Variants in GSE1 observed in about 807,000 individuals in gnomAD.
GSE1 encodes Gse1 coiled-coil protein.
Under a neutral mutation model 112.6 loss-of-function variants are expected in GSE1, and 32 were observed. The ratio of observed to expected loss-of-function variants is 0.28; its 90% CI spans 0.21 to 0.38. The LOEUF is 0.38. Ranked by LOEUF, GSE1 falls within the 10% of genes least tolerant of loss-of-function variation. The pLI is 1.00. For synonymous variants in GSE1, 1,115 were observed against 735.6 expected, an observed-to-expected ratio of 1.52 and a Z score of -8.35; for missense variants, 2,348 against 1,699.2, an observed-to-expected ratio of 1.38 and a Z score of -6.71.
chr16:85,300,830 G>A (rs1248019417), intron 1 of GSE1, among the ~76,000 whole-genome samples: 3 of 152,192 alleles, frequency 2.0e-5, no homozygotes, highest in Admixed American at 6.5e-5. Context: ...CCCACCTGGC[G>A]TGTGGCTGAA....
intron 1 of GSE1, among the ~76,000 whole-genome samples, 190 bp downstream of exon 1, chr16:85,613,588 G>T (rs1170854368): frequency 6.6e-6 from 1 of 152,000 alleles, no homozygotes; most frequent in Non-Finnish European, 1.5e-5. Flanking sequence ...CTCCGCCCGC[G>T]GGTCGCAGCC....
chr16:85,663,147 C>A, intron 10 of GSE1, 54 bp downstream of exon 10: 1 of 1,322,848 alleles, frequency 7.6e-7, no homozygotes, highest in Non-Finnish European at 1.1e-6. Flanking sequence ...TCGTTCCTAG[C>A]GTCCACACCC....
intron 11 of GSE1, 86 bp from the exon 12 acceptor site, chr16:85,664,929 C>T: frequency 2.2e-6 from 2 of 908,476 alleles, no homozygotes; most frequent in South Asian, 1.4e-5. Flanking sequence ...TTTGCCTGCC[C>T]CTCAAGGCTC....
At chr16:85,313,841 T>C (rs866349366) in intron 1 of GSE1, among the ~76,000 whole-genome samples, 1 of 152,094 alleles carries the variant, frequency 6.6e-6, no homozygotes, top group Non-Finnish European at 1.5e-5. Context: ...ACTGGGGAGT[T>C]GGGAGGCCGG....
intron 1 of GSE1, among the ~76,000 whole-genome samples, chr16:85,211,744 G>A (rs928115550): frequency 3.3e-5 from 5 of 152,318 alleles, no homozygotes; most frequent in Non-Finnish European, 5.9e-5. Flanking sequence ...CTGGGCACCC[G>A]CGAGAGAGGT....
At chr16:85,397,639 C>T (rs544394351) in intron 2 of GSE1, among the ~76,000 whole-genome samples, 5 of 152,328 alleles carry the variant, frequency 3.3e-5, no homozygotes, top group East Asian at 3.9e-4. Flanking sequence ...GGGGCCTCCC[C>T]GGAGCACCAG....
intron 2 of GSE1, among the ~76,000 whole-genome samples, chr16:85,440,517 C>T (rs1268247493): frequency 3.9e-5 from 6 of 152,206 alleles, no homozygotes; most frequent in African/African-American, 1.2e-4. Flanking sequence ...GTCTTTCTCA[C>T]ACCCACCCCA....
At chr16:85,475,638 C>T (rs975496973) in intron 2 of GSE1, among the ~76,000 whole-genome samples, 2 of 152,208 alleles carry the variant, frequency 1.3e-5, no homozygotes, top group African/African-American at 2.4e-5. Context: ...AATCTAGTGA[C>T]AGGGCCTCTG....
At chr16:85,363,949 A>C (rs1315836178) in intron 2 of GSE1, among the ~76,000 whole-genome samples, 1 of 152,198 alleles carries the variant, frequency 6.6e-6, no homozygotes, top group Non-Finnish European at 1.5e-5. Context: ...CTTACTTAAG[A>C]AGAGGTCTGT....
chr16:85,354,489 C>T (rs1192837498), intron 1 of GSE1, among the ~76,000 whole-genome samples: 3 of 152,238 alleles, frequency 2.0e-5, no homozygotes, highest in Non-Finnish European at 2.9e-5. Context: ...TCACCACAGC[C>T]GTGTTTGCTG....
At chr16:85,287,294 C>T (rs575568528) in intron 1 of GSE1, among the ~76,000 whole-genome samples, 76 of 152,194 alleles carry the variant, frequency 5.0e-4, no homozygotes, top group African/African-American at 9.7e-4. Flanking sequence ...CGCATGGGGC[C>T]GGAGCAAGCT....
At chr16:85,304,143 C>G (rs2045601012) in intron 1 of GSE1, among the ~76,000 whole-genome samples, 1 of 152,250 alleles carries the variant, frequency 6.6e-6, no homozygotes, top group African/African-American at 2.4e-5. Context: ...CCTTTCTGCA[C>G]CGCATCCCAT....
At chr16:85,440,035 C>T (rs2049340189) in intron 2 of GSE1, among the ~76,000 whole-genome samples, 1 of 152,262 alleles carries the variant, frequency 6.6e-6, no homozygotes, top group African/African-American at 2.4e-5. Flanking sequence ...GCTCCACAGA[C>T]ATACACTTGC....
chr16:85,661,851 C>A, intron 9 of GSE1, 86 bp downstream of exon 9: 1 of 1,302,942 alleles, frequency 7.7e-7, no homozygotes, highest in Non-Finnish European at 1.0e-6. Context: ...CTGCCCCTCT[C>A]CGTCCACTCC....
intron 2 of GSE1, among the ~76,000 whole-genome samples, chr16:85,362,591 G>A (rs1597488847): frequency 6.6e-6 from 1 of 152,330 alleles, no homozygotes; most frequent in African/African-American, 2.4e-5. Context: ...TGGTAGCGTG[G>A]TGTCAGTGAC....
At chr16:85,433,536 G>C (rs538796421) in intron 2 of GSE1, among the ~76,000 whole-genome samples, 65 of 152,322 alleles carry the variant, frequency 4.3e-4, no homozygotes, top group African/African-American at 1.5e-3. Context: ...ATTGGTGTCT[G>C]TATCTCTGAC....
chr16:85,175,131 A>G (rs542746203), intron 1 of GSE1, among the ~76,000 whole-genome samples: 1 of 152,326 alleles, frequency 6.6e-6, no homozygotes, highest in African/African-American at 2.4e-5. Context: ...TGAGAAAAAT[A>G]AAGAGAAGAA....
intron 1 of GSE1, among the ~76,000 whole-genome samples, chr16:85,264,082 G>A (rs1907987148): frequency 6.6e-6 from 1 of 152,126 alleles, no homozygotes; most frequent in South Asian, 2.1e-4. Context: ...GGCGGGGAAT[G>A]GTATTCCAAG....
chr16:85,256,556 G>A (rs1486071783), intron 1 of GSE1, among the ~76,000 whole-genome samples: 2 of 152,252 alleles, frequency 1.3e-5, no homozygotes, highest in Non-Finnish European at 2.9e-5. Context: ...CTCCCACTGG[G>A]CCTGATCCAG....
Sources: gnomAD v4.1 joint callset for allele counts (sites outside exome capture counted in the v4.1 genomes callset) on GRCh38, gnomAD v4.1.1 for gene constraint, MANE v1.5 for transcripts, NCBI Gene and HGNC (gene_info 2026-07-23, HGNC 2026-07-21) for gene names.